Variants in FAM120B observed in about 807,000 individuals in gnomAD.
FAM120B encodes family with sequence similarity 120 member B.
Under a neutral mutation model 96.3 loss-of-function variants are expected in FAM120B, and 83 were observed. That is an observed-to-expected ratio of 0.86 (90% confidence interval 0.72 to 1.03). The LOEUF is 1.03. Among genes scored for constraint, FAM120B ranks in the 50% least tolerant of loss-of-function variants. FAM120B has a pLI of 0.00. For missense variants in FAM120B, 1,027 were observed against 1,121.2 expected (o/e 0.92, Z 1.20); for synonymous variants, 407 against 402.7 (o/e 1.01, Z -0.13).
At chr6:170,330,423 C>T in intron 3 of FAM120B, 26 bp from the exon 4 acceptor site, 1 of 1,588,096 alleles carries the variant, frequency 6.3e-7, no homozygotes, top group Non-Finnish European at 8.6e-7. Context: ...CCTCATGCAT[C>T]TACTGACCCA....
chr6:170,333,934 T>G (rs1035136834), intron 4 of FAM120B, among the ~76,000 whole-genome samples: 2 of 152,218 alleles, frequency 1.3e-5, no homozygotes, highest in African/African-American at 4.8e-5. Flanking sequence ...GTAAAGGTCC[T>G]TGATGTGTGC....
In FAM120B at chr6:170,318,176, C is replaced by T; in HGVS notation, c.786C>T (p.Asn262=). 1 of 1,614,182 alleles carries T rather than the reference C, an allele frequency of 6.2e-7. No homozygotes were observed. The highest frequency in any genetic ancestry group is 8.5e-7 in the Non-Finnish European group (1 of 1,180,034). ...AAGAGAACTTTGACAAAAAAGGTAA[C>T]ATCATATTAGCTGTGTCAGACCATA... ...SVKENFDKKG[N]IILAVSDHIS... The change falls in exon 2 of 11, where the codon AAC becomes AAT. Residue 262 remains asparagine (N), a synonymous_variant. Transcript: ENST00000476287.
At chr6:170,303,583 CCTTA>C (rs1784187576), upstream of FAM120B, among the ~76,000 whole-genome samples, 1 of 152,202 alleles carries the variant, frequency 6.6e-6, no homozygotes, top group Admixed American at 6.5e-5. Context: ...AATGTTCTGT[CCTTA>C]CTTTTCAATT....
intron 5 of FAM120B, 46 bp from the exon 6 acceptor site, chr6:170,358,180 T>C (rs1788094812): frequency 1.4e-6 from 2 of 1,466,848 alleles, no homozygotes; most frequent in African/African-American, 1.4e-5. Flanking sequence ...AAGAAATGTT[T>C]AATTTTTCCT....
At chr6:170,346,606 C>T (rs73034955) in intron 4 of FAM120B, among the ~76,000 whole-genome samples, 9,187 of 152,182 alleles carry the variant, frequency 0.06, 303 homozygotes, top group Non-Finnish European at 0.069. Context: ...TGGAAGGAAC[C>T]GTGGACGATA....
intron 9 of FAM120B, among the ~76,000 whole-genome samples, chr6:170,397,796 C>T (rs949470356): frequency 1.3e-5 from 2 of 152,208 alleles, no homozygotes; most frequent in Non-Finnish European, 2.9e-5. Flanking sequence ...ACCTTGATGA[C>T]ATGAAAGCTG....
At chr6:170,374,185 G>A (rs1472953344) in intron 6 of FAM120B, among the ~76,000 whole-genome samples, 3 of 152,242 alleles carry the variant, frequency 2.0e-5, no homozygotes, top group East Asian at 1.9e-4. Context: ...GCAAGAGCAC[G>A]TCTCAGGTTG....
At chr6:170,341,045 C>T (rs1444313011) in intron 4 of FAM120B, among the ~76,000 whole-genome samples, 1 of 152,248 alleles carries the variant, frequency 6.6e-6, no homozygotes, top group Non-Finnish European at 1.5e-5. Flanking sequence ...CCAGGATCCG[C>T]TGCTGCTCTC....
intron 1 of FAM120B, among the ~76,000 whole-genome samples, chr6:170,315,489 G>C (rs982111843): frequency 6.6e-6 from 1 of 152,096 alleles, no homozygotes; most frequent in Non-Finnish European, 1.5e-5. Flanking sequence ...TACAGTTGAC[G>C]TAATCACACT....
chr6:170,294,897 G>A (rs9348307), upstream of FAM120B, among the ~76,000 whole-genome samples: 1 of 152,090 alleles, frequency 6.6e-6, no homozygotes, highest in South Asian at 2.1e-4. The surrounding 1 kb of genome is among the most constrained non-coding windows in gnomAD (Gnocchi z 7.9). Context: ...GAAGAATTAG[G>A]GTCCTTGTTC....
chr6:170,389,849 C>T (rs928136177), intron 7 of FAM120B, among the ~76,000 whole-genome samples: 14 of 152,284 alleles, frequency 9.2e-5, no homozygotes, highest in African/African-American at 2.9e-4. Flanking sequence ...GTGTGAGCCA[C>T]CGCGACCAGC....
chr6:170,377,380 A>C (rs1266415923), intron 6 of FAM120B, among the ~76,000 whole-genome samples: 2 of 105,914 alleles, frequency 1.9e-5, no homozygotes, highest in Non-Finnish European at 3.9e-5. Flanking sequence ...GGGAGAACAC[A>C]GGCTCACGCT....
At chr6:170,347,348 G>A (rs1309969837) in intron 4 of FAM120B, among the ~76,000 whole-genome samples, 1 of 152,180 alleles carries the variant, frequency 6.6e-6, no homozygotes, top group Non-Finnish European at 1.5e-5. Flanking sequence ...TCTGACCTTA[G>A]AAACAGCACC....
intron 6 of FAM120B, among the ~76,000 whole-genome samples, chr6:170,380,732 A>C (rs929252071): frequency 3.9e-5 from 6 of 152,196 alleles, no homozygotes; most frequent in African/African-American, 1.4e-4. Flanking sequence ...AGTTCCTTAC[A>C]TATTTTGGAT....
chr6:170,370,029 T>C lies in FAM120B; in HGVS notation c.2283+11711T>C, dbSNP rs983417912. On this transcript the variant is annotated intron_variant, in intron 6 of 10. Transcript: ENST00000476287. The surrounding 1 kb of genome is among the most constrained non-coding windows in gnomAD (Gnocchi z 4.3). Reference sequence around the variant, plus strand: ...CAAATTTCAGGATGTAATTTCAATTTTACAAAAAATGTACCTTTTTTGAAT... The same window carrying C: ...CAAATTTCAGGATGTAATTTCAATTCTACAAAAAATGTACCTTTTTTGAAT... Among the ~76,000 whole-genome samples, 1 of 152,246 alleles carries C rather than the reference T, an allele frequency of 6.6e-6. No homozygotes were observed. Among genetic ancestry groups the C allele is most frequent in the Non-Finnish European group, 1.5e-5 (1 of 68,038 alleles).
upstream of FAM120B, among the ~76,000 whole-genome samples, chr6:170,302,960 T>G (rs559693817): frequency 6.6e-6 from 1 of 152,352 alleles, no homozygotes; most frequent in South Asian, 2.1e-4. Flanking sequence ...TGTAGTGTAC[T>G]GTAGTCATAA....
chr6:170,295,328 T>G lies in FAM120B; in HGVS notation c.-78T>G. 1.4e-6 allele frequency: 1 copy of G among 696,136 alleles called. No individual in the cohort carries two copies. The highest frequency in any genetic ancestry group is 2.6e-6 in the Non-Finnish European group (1 of 381,878). The allele number at this position is 696,136 out of a possible 1,614,324, so 43.1% of individuals were successfully genotyped here. ...GTGCACAGATGTGTTCACACTCGGT[T>G]GCCGCGCGTGGACTTACAAGCCCAC... On this transcript the variant is annotated 5_prime_UTR_variant, in exon 1 of 11. Transcript: ENST00000537664. This position sits in a 1 kb window ranked among gnomAD's most constrained non-coding sequence, Gnocchi z 7.8.
intron 5 of FAM120B, among the ~76,000 whole-genome samples, chr6:170,353,741 A>T (rs1787724880): frequency 6.6e-6 from 1 of 152,240 alleles, no homozygotes; most frequent in African/African-American, 2.4e-5. Context: ...TTCAAGGAGA[A>T]CTAAAAACTA....
In FAM120B at chr6:170,391,023, T is replaced by C. The variant is rs1480019253; in HGVS notation, c.2501T>C (p.Leu834Pro). Residue 834 changes from leucine (L) to proline (P), a missense_variant, in exon 8 of 11, where the codon CTC becomes CCC. Transcript: ENST00000476287. ...EVLLEQNRSR[L>P]TKFHNLKAVV... ...CTGGTCTGTTTGCAGAGATCTCGGCTCACCAAATTCCACAACCTGAAGGCA... is the reference window on the plus strand; with the variant it reads ...CTGGTCTGTTTGCAGAGATCTCGGCCCACCAAATTCCACAACCTGAAGGCA... The C allele has an allele frequency of 6.2e-7, 1 of 1,614,054 alleles. No individual in the cohort carries two copies. Among genetic ancestry groups the C allele is most frequent in the African/African-American group, 1.3e-5 (1 of 75,018 alleles).
Sources: gnomAD v4.1 joint callset for allele counts (sites outside exome capture counted in the v4.1 genomes callset) on GRCh38, gnomAD v4.1.1 for gene constraint, Gnocchi (gnomAD v3.1) non-coding constraint, MANE v1.5 for transcripts, NCBI Gene and HGNC (gene_info 2026-07-23, HGNC 2026-07-21) for gene names.